The following PRKN variants were observed in gnomAD, a reference collection of about 807,000 sequenced individuals.
PRKN encodes the protein E3 ubiquitin-protein ligase parkin.
PRKN carries 56 observed loss-of-function variants against 59.5 expected under a neutral mutation model. That is an observed-to-expected ratio of 0.94 (90% CI 0.76 to 1.18). The LOEUF (loss-of-function observed/expected upper bound fraction) is 1.18, where lower values mean the gene tolerates loss of function less well. PRKN is among the 50% of genes most tolerant of loss of function. PRKN has a pLI of 0.00. For synonymous variants in PRKN, 250 were observed against 222.1 expected (o/e 1.13, Z -1.12); for missense variants, 657 against 596.4 (o/e 1.10, Z -1.06).
chr6:161,825,377 A>G (rs1167498386), intron 6 of PRKN, among the ~76,000 whole-genome samples: 1 of 152,040 alleles, frequency 6.6e-6, no homozygotes, highest in East Asian at 1.9e-4. Flanking sequence ...AAATGGTGTA[A>G]TTTAAGATCC....
intron 2 of PRKN, among the ~76,000 whole-genome samples, chr6:162,394,345 C>T (rs1458174392): frequency 1.3e-5 from 2 of 152,092 alleles, no homozygotes; most frequent in African/African-American, 4.8e-5. Flanking sequence ...CCACGAGCTT[C>T]GGGTGTGATA....
chr6:161,380,517 G>A lies in PRKN; in HGVS notation c.1167+6277C>T, dbSNP rs543397106. On this transcript the variant is annotated intron_variant, in intron 10 of 11. Transcript: ENST00000366898. Reference sequence around the variant, plus strand: ...CAACCTCCACCTCCCAGCTTTAAGCGATTTTCCTGCCTCAGCCTCCCACCA... The same window carrying A: ...CAACCTCCACCTCCCAGCTTTAAGCAATTTTCCTGCCTCAGCCTCCCACCA... Among the ~76,000 whole-genome samples the A allele has an allele frequency of 5.5e-5, 8 of 146,090 alleles. No individual in the cohort carries two copies. The East Asian group carries it at 8.0e-4, about 15-fold the overall frequency.
chr6:161,802,409 C>A (rs1006287263), intron 6 of PRKN, among the ~76,000 whole-genome samples: 1 of 151,576 alleles, frequency 6.6e-6, no homozygotes, highest in African/African-American at 2.4e-5. Flanking sequence ...ACACACACAC[C>A]CCACACAAGC....
rs188838007 is a variant in PRKN at position 161,461,893 on chromosome 6, G to A, written c.1084-75016C>T. ...GGCAGTCAGAACTGCAGAAATACAC[G>A]AGAAGGTCTGAGGGAGGGCTTGGCT... On this transcript the variant is annotated intron_variant, in intron 9 of 11. Coordinates refer to ENST00000366898, the MANE Select transcript of PRKN (RefSeq NM_004562.3). The surrounding 1 kb of genome is among the most constrained non-coding windows in gnomAD (Gnocchi z 5.1). Among the ~76,000 whole-genome samples, 16 of 152,274 alleles carry A rather than the reference G, an allele frequency of 1.1e-4. No individual in the cohort carries two copies. Among genetic ancestry groups the A allele is most frequent in the Admixed American group, 3.3e-4 (5 of 15,300 alleles).
intron 5 of PRKN, among the ~76,000 whole-genome samples, chr6:162,000,994 G>C (rs1460585894): frequency 6.6e-6 from 1 of 151,828 alleles, no homozygotes; most frequent in African/African-American, 2.4e-5. Flanking sequence ...GTGTTCCATT[G>C]ATCGATTTGT....
At chr6:161,661,385 C>A (rs934657403) in intron 7 of PRKN, among the ~76,000 whole-genome samples, 4 of 152,140 alleles carry the variant, frequency 2.6e-5, no homozygotes, top group Admixed American at 2.6e-4. Flanking sequence ...GTGTCTGCAG[C>A]TCCATCTGCC....
chr6:162,529,103 T>C (rs1418661653), intron 1 of PRKN, among the ~76,000 whole-genome samples: 1 of 152,076 alleles, frequency 6.6e-6, no homozygotes, highest in Non-Finnish European at 1.5e-5. Flanking sequence ...CGAATTCCTG[T>C]CCTCAAGCAA....
intron 1 of PRKN, among the ~76,000 whole-genome samples, chr6:162,721,468 A>T (rs1778940342): frequency 6.6e-6 from 1 of 152,080 alleles, no homozygotes; most frequent in South Asian, 2.1e-4. Flanking sequence ...TCCTTGACAA[A>T]GCTTATCTGG....
chr6:162,375,900 T>C (rs1786044863), intron 2 of PRKN, among the ~76,000 whole-genome samples: 1 of 152,072 alleles, frequency 6.6e-6, no homozygotes, highest in South Asian at 2.1e-4. Flanking sequence ...GTCTGGGACA[T>C]CAGCTACTAG....
intron 2 of PRKN, among the ~76,000 whole-genome samples, chr6:162,424,963 A>G (rs755455475): frequency 6.6e-6 from 1 of 152,012 alleles, no homozygotes; most frequent in Admixed American, 6.6e-5. Flanking sequence ...CACATAGGAG[A>G]TGGGTGTCTT....
intron 6 of PRKN, among the ~76,000 whole-genome samples, chr6:161,951,186 C>A (rs1351142670): frequency 6.6e-6 from 1 of 151,948 alleles, no homozygotes; most frequent in Non-Finnish European, 1.5e-5. Flanking sequence ...TTTAAGATTT[C>A]TTGATAATTA....
chr6:162,537,594 C>G (rs947877487), intron 1 of PRKN, among the ~76,000 whole-genome samples: 1 of 152,190 alleles, frequency 6.6e-6, no homozygotes, highest in African/African-American at 2.4e-5. Flanking sequence ...CAGGGATCTC[C>G]CTGTCTCTGT....
rs181741639 is a variant in PRKN, at chr6:162,084,306, C to T, written c.535-30132G>A. On this transcript the variant is annotated intron_variant, in intron 4 of 11. Coordinates refer to ENST00000366898, the MANE Select transcript of PRKN (RefSeq NM_004562.3). ...CTCTTTAAATTTGACTTAACATTTG[C>T]GACCTACATCCACTCATGCATTGAA... Among the ~76,000 whole-genome samples the T allele has an allele frequency of 5.3e-4, 81 of 152,210 alleles. 1 individual carries two copies. Among genetic ancestry groups the T allele is most frequent in the Admixed American group, 1.4e-3 (22 of 15,286 alleles).
At chr6:162,615,387 A>T (rs1179581613) in intron 1 of PRKN, among the ~76,000 whole-genome samples, 1 of 152,134 alleles carries the variant, frequency 6.6e-6, no homozygotes, top group African/African-American at 2.4e-5. Context: ...TCAGCAGTAT[A>T]CCTGCTATGT....
At chr6:162,454,663 C>T (rs1346534766) in intron 1 of PRKN, among the ~76,000 whole-genome samples, 2 of 152,176 alleles carry the variant, frequency 1.3e-5, no homozygotes, top group Non-Finnish European at 2.9e-5. Context: ...TCTCCTATTC[C>T]TCACACACCG....
chr6:161,642,630 G>GGT (rs1783784706), intron 7 of PRKN, among the ~76,000 whole-genome samples: 1 of 151,960 alleles, frequency 6.6e-6, no homozygotes, highest in South Asian at 2.1e-4. Flanking sequence ...AGTCAGTGGA[G>GGT]GTATACACAT....
chr6:162,209,953 G>C (rs966634696), intron 3 of PRKN, among the ~76,000 whole-genome samples: 18 of 148,776 alleles, frequency 1.2e-4, no homozygotes, highest in Non-Finnish European at 4.4e-5. Context: ...ACTGGGGCCT[G>C]TTGTGGGATG....
chr6:161,560,207 C>T lies in PRKN; in HGVS notation c.933+9148G>A, dbSNP rs554193225. Among the ~76,000 whole-genome samples, 3 of 152,286 alleles carry T rather than the reference C, an allele frequency of 2.0e-5. No individual in the cohort carries two copies. The highest frequency in any genetic ancestry group is 1.3e-4 in the Admixed American group (2 of 15,306). ...ATTCCTGTTCATGATAAACTAACTG[C>T]CCTGTATAATCAGCCTTTTGAAAGG... is the stretch of plus-strand genomic sequence containing the variant. On this transcript the variant is annotated intron_variant, in intron 8 of 11. Coordinates refer to ENST00000366898, the MANE Select transcript of PRKN (RefSeq NM_004562.3). The surrounding 1 kb of genome is among the most constrained non-coding windows in gnomAD (Gnocchi z 4.9).
At chr6:162,707,148 T>C (rs949628167) in intron 1 of PRKN, among the ~76,000 whole-genome samples, 3 of 152,222 alleles carry the variant, frequency 2.0e-5, no homozygotes, top group Non-Finnish European at 2.9e-5. Context: ...CCCCAGCAAA[T>C]TGTAAATAAC....
Sources: allele counts gnomAD v4.1 joint callset (sites outside exome capture counted in the v4.1 genomes callset), GRCh38; gene constraint gnomAD v4.1.1; non-coding constraint Gnocchi (gnomAD v3.1); transcripts MANE v1.5; gene names NCBI Gene and HGNC (gene_info 2026-07-23, HGNC 2026-07-21).